The following CTNNA2 variants were observed in gnomAD, a reference collection of about 807,000 sequenced individuals.
CTNNA2 encodes catenin alpha 2, also known as catenin alpha-2.
A neutral mutation model predicts 101.0 loss-of-function variants in CTNNA2; 42 were observed. The ratio of observed to expected loss-of-function variants is 0.42; its 90% CI spans 0.32 to 0.54. The LOEUF is 0.54. Ranked by LOEUF, CTNNA2 falls within the 20% of genes least tolerant of loss-of-function variation. The pLI, the probability that CTNNA2 is intolerant of heterozygous loss-of-function variation, is 0.14. For missense variants in CTNNA2, 871 were observed against 1,223.1 expected (o/e 0.71, Z 4.29); for synonymous variants, 450 against 456.4 (o/e 0.99, Z 0.18).
chr2:79,528,959 A>G (rs1211346143), intron 1 of CTNNA2, among the ~76,000 whole-genome samples: 1 of 152,178 alleles, frequency 6.6e-6, no homozygotes, highest in Non-Finnish European at 1.5e-5. Context: ...GACATGGAGT[A>G]GAGGTATATT....
intron 2 of CTNNA2, among the ~76,000 whole-genome samples, chr2:79,215,466 T>A (rs1032877528): frequency 6.6e-6 from 1 of 152,220 alleles, no homozygotes; most frequent in African/African-American, 2.4e-5. Context: ...GTGAGGTTAA[T>A]TAAGTCCTGT....
chr2:79,821,704 A>C (rs1025629187), intron 3 of CTNNA2, among the ~76,000 whole-genome samples: 1 of 152,218 alleles, frequency 6.6e-6, no homozygotes, highest in African/African-American at 2.4e-5. Context: ...AATGAATTAT[A>C]AATTTAGTTT....
At chr2:79,490,826 G>T (rs1424929089) in intron 4 of CTNNA2, among the ~76,000 whole-genome samples, 4 of 152,208 alleles carry the variant, frequency 2.6e-5, no homozygotes, top group Non-Finnish European at 5.9e-5. Context: ...GATGCCAGAA[G>T]ATCCAGGCAT....
At chr2:79,332,887 C>G (rs1676907513) in intron 3 of CTNNA2, among the ~76,000 whole-genome samples, 1 of 152,074 alleles carries the variant, frequency 6.6e-6, no homozygotes, top group Non-Finnish European at 1.5e-5. Context: ...CAAAAATTCA[C>G]TAATGCTCCA....
chr2:80,373,030 G>A (rs1360863889), intron 7 of CTNNA2, among the ~76,000 whole-genome samples: 8 of 152,140 alleles, frequency 5.3e-5, no homozygotes, highest in East Asian at 3.9e-4. Flanking sequence ...AGCTTTAGAC[G>A]GTAACTCCAT....
intron 9 of CTNNA2, 80 bp from the exon 10 acceptor site, chr2:80,544,902 C>A: frequency 3.4e-6 from 4 of 1,192,424 alleles, no homozygotes; most frequent in South Asian, 3.0e-5. Context: ...AGACATCTGC[C>A]AGAGAAGGTC....
chr2:79,277,880 T>G (rs72915200), intron 2 of CTNNA2, among the ~76,000 whole-genome samples: 19,011 of 152,066 alleles, frequency 0.13, 1,232 homozygotes, highest in African/African-American at 0.15. Context: ...CTAATCTGCA[T>G]TTTTCAAACT....
chr2:80,437,853 G>T (rs778871951), intron 9 of CTNNA2, among the ~76,000 whole-genome samples: 2 of 152,166 alleles, frequency 1.3e-5, no homozygotes, highest in Non-Finnish European at 2.9e-5. Context: ...ACAAAAATTA[G>T]CTGGGCATAG....
intron 4 of CTNNA2, among the ~76,000 whole-genome samples, chr2:79,421,258 A>C (rs1012997026): frequency 6.6e-6 from 1 of 152,252 alleles, no homozygotes; most frequent in Non-Finnish European, 1.5e-5. Flanking sequence ...ACTAAATATC[A>C]CAGGTGAAGA....
chr2:79,297,653 T>C (rs1676012503), intron 2 of CTNNA2, among the ~76,000 whole-genome samples: 1 of 152,190 alleles, frequency 6.6e-6, no homozygotes, highest in South Asian at 2.1e-4. Flanking sequence ...CCAAGACAAA[T>C]TCATTCCAAC....
chr2:79,607,570 G>T (rs1186490309), intron 1 of CTNNA2, among the ~76,000 whole-genome samples: 1 of 152,076 alleles, frequency 6.6e-6, no homozygotes, highest in African/African-American at 2.4e-5. Flanking sequence ...TTACTGATAA[G>T]TATATTCTCA....
At chr2:79,738,113 C>T (rs1377864604) in intron 2 of CTNNA2, among the ~76,000 whole-genome samples, 1 of 152,180 alleles carries the variant, frequency 6.6e-6, no homozygotes, top group Non-Finnish European at 1.5e-5. Flanking sequence ...AGGTCATGAG[C>T]AGTCTATACA....
rs10716037 is a variant in CTNNA2 at position 79,624,334 on chromosome 2, C to CT, written c.-5-27208dup. Among the ~76,000 whole-genome samples the CT allele has an allele frequency of 3.6e-3, 536 of 147,738 alleles. 7 individuals are homozygous for CT. In the East Asian group the frequency reaches 0.038, roughly 10 times the overall value. ...GGAAAGATATTTGAATTTCATTAGG[C>CT]TTTTTTTTTTGTCTACAGTTAGCAA... On this transcript the variant is annotated intron_variant, in intron 1 of 18. Transcript: ENST00000402739.
intron 7 of CTNNA2, among the ~76,000 whole-genome samples, chr2:80,031,049 T>C (rs1695253478): frequency 6.6e-6 from 1 of 151,530 alleles, no homozygotes; most frequent in South Asian, 2.1e-4. Flanking sequence ...ATAGATAATA[T>C]GCATAGATAT....
At chr2:80,399,680 C>A (rs961729904) in intron 8 of CTNNA2, among the ~76,000 whole-genome samples, 12 of 152,130 alleles carry the variant, frequency 7.9e-5, no homozygotes, top group Non-Finnish European at 1.2e-4. Flanking sequence ...GACTGAGCCC[C>A]AAAACACCTT....
rs1423250887 is a variant in CTNNA2, at chr2:79,676,289, T to C, written c.102+24631T>C. On this transcript the variant is annotated intron_variant, in intron 2 of 18. Coordinates refer to ENST00000402739, the MANE Select transcript of CTNNA2 (RefSeq NM_001282597.3). ...GGATAGGACTGGATTGAAGAAGGCC[T>C]TCTGTGAGTGCCAACAGCATTAGAC... Among the ~76,000 whole-genome samples the C allele has an allele frequency of 2.6e-5, 4 of 152,332 alleles. No homozygotes were observed. In the South Asian group the frequency reaches 8.3e-4, roughly 32 times the overall value.
At chr2:79,925,551 C>T (rs1448654495) in intron 7 of CTNNA2, among the ~76,000 whole-genome samples, 1 of 152,060 alleles carries the variant, frequency 6.6e-6, no homozygotes, top group Non-Finnish European at 1.5e-5. Flanking sequence ...TAGCAAATCA[C>T]ATATAGTTTG....
intron 4 of CTNNA2, among the ~76,000 whole-genome samples, chr2:79,500,115 CAT>C (rs1319567708): frequency 6.6e-6 from 1 of 152,188 alleles, no homozygotes; most frequent in Non-Finnish European, 1.5e-5. Context: ...CATGTTGACA[CAT>C]AAAATTCACC....
chr2:79,491,394 G>T (rs1236898438), intron 4 of CTNNA2, among the ~76,000 whole-genome samples: 1 of 152,122 alleles, frequency 6.6e-6, no homozygotes, highest in Non-Finnish European at 1.5e-5. Context: ...TACCATCTTT[G>T]TTGAGAACAC....
Sources: allele counts gnomAD v4.1 joint callset (sites outside exome capture counted in the v4.1 genomes callset), GRCh38; gene constraint gnomAD v4.1.1; transcripts MANE v1.5; gene names NCBI Gene and HGNC (gene_info 2026-07-23, HGNC 2026-07-21).